The following KIAA1549L variants were observed in gnomAD, a reference collection of about 807,000 sequenced individuals.
KIAA1549L encodes UPF0606 protein KIAA1549L.
KIAA1549L carries 88 observed loss-of-function variants against 160.7 expected under a neutral mutation model. That is an observed-to-expected ratio of 0.55 (90% CI 0.46 to 0.65). The LOEUF is 0.65. Among genes scored for constraint, KIAA1549L ranks in the 30% least tolerant of loss-of-function variants. The pLI, the probability that KIAA1549L is intolerant of heterozygous loss-of-function variation, is 0.00. For synonymous variants in KIAA1549L, 950 were observed against 976.7 expected (o/e 0.97, Z 0.51); for missense variants, 2,258 against 2,437.5 (o/e 0.93, Z 1.55).
chr11:33,618,470 C>G, intron 15 of KIAA1549L, 63 bp from the exon 16 acceptor site: 6 of 1,482,506 alleles, frequency 4.0e-6, no homozygotes. Context: ...TACTTTGGAT[C>G]AGTGGAGAAT....
intron 16 of KIAA1549L, among the ~76,000 whole-genome samples, chr11:33,621,935 A>G (rs527325788): frequency 9.2e-5 from 14 of 152,366 alleles, no homozygotes; most frequent in African/African-American, 3.1e-4. Flanking sequence ...TATAACTTTG[A>G]AAATGAATGA....
chr11:33,525,468 G>A (rs1378700198), intron 1 of KIAA1549L, among the ~76,000 whole-genome samples: 1 of 152,134 alleles, frequency 6.6e-6, no homozygotes, highest in Non-Finnish European at 1.5e-5. Context: ...TTATCTCACA[G>A]GAGTCCTTGG....
chr11:33,635,794 CAGTGAGTATTTATTA>C (rs1172710665), intron 16 of KIAA1549L, among the ~76,000 whole-genome samples: 1 of 152,156 alleles, frequency 6.6e-6, no homozygotes, highest in Admixed American at 6.5e-5. Context: ...CTCATTTATT[CAGTGAGTATTTATTA>C]ATGTTCTACC....
At chr11:33,402,391 G>C (rs746981424) in intron 1 of KIAA1549L, among the ~76,000 whole-genome samples, 3 of 152,056 alleles carry the variant, frequency 2.0e-5, no homozygotes, top group Non-Finnish European at 4.4e-5. Context: ...CTCTACTCAG[G>C]CCCCTGTGGT....
At chr11:33,472,722 G>C (rs1320576400) in intron 1 of KIAA1549L, among the ~76,000 whole-genome samples, 1 of 152,086 alleles carries the variant, frequency 6.6e-6, no homozygotes, top group Non-Finnish European at 1.5e-5. Context: ...TTTCTTTCAG[G>C]TCTCATTTTT....
intron 1 of KIAA1549L, among the ~76,000 whole-genome samples, chr11:33,425,835 G>A (rs1851105197): frequency 6.6e-6 from 1 of 152,192 alleles, no homozygotes; most frequent in East Asian, 1.9e-4. Context: ...GATGCACAGA[G>A]CAAAAGGCAA....
At chr11:33,595,386 C>T (rs560232861) in intron 12 of KIAA1549L, among the ~76,000 whole-genome samples, 1 of 152,246 alleles carries the variant, frequency 6.6e-6, no homozygotes, top group East Asian at 1.9e-4. Flanking sequence ...GCCACCATGC[C>T]TGGCTAATTT....
chr11:33,456,247 T>A (rs1360754635), intron 1 of KIAA1549L, among the ~76,000 whole-genome samples: 1 of 152,158 alleles, frequency 6.6e-6, no homozygotes, highest in Non-Finnish European at 1.5e-5. Context: ...TTTTTCCCCC[T>A]AGGGCAGCTG....
intron 15 of KIAA1549L, among the ~76,000 whole-genome samples, chr11:33,616,360 T>C (rs889703117): frequency 1.3e-5 from 2 of 152,150 alleles, no homozygotes; most frequent in African/African-American, 4.8e-5. Context: ...GCAAAAGCCC[T>C]GAGACTCAGT....
At chr11:33,396,139 T>C (rs1378051452) in intron 1 of KIAA1549L, among the ~76,000 whole-genome samples, 1 of 152,160 alleles carries the variant, frequency 6.6e-6, no homozygotes, top group African/African-American at 2.4e-5. Context: ...CTAGAGCAAC[T>C]TAAGGTGATA....
Position 33,668,153 on chromosome 11 carries a change from A to C in KIAA1549L, c.6440A>C (p.Ter2147SerextTer13), listed in dbSNP as rs1459931892. 1 of 1,612,450 alleles carries C rather than the reference A, an allele frequency of 6.2e-7. No homozygotes were observed. The highest frequency in any genetic ancestry group is 8.5e-7 in the Non-Finnish European group (1 of 1,179,312). ...ACAGACATGTTTGAGTTCCAGGTCT[A>C]ACGCCTTAGCCCCGTGGGACTCTGG... ...KQTDMFEFQV[*>S] Residue 2147 changes from the stop codon to serine (S), a stop_lost, in exon 21 of 21, where the codon TAA (stop) becomes TCA (serine). Transcript: ENST00000658780.
chr11:33,391,298 A>T (rs11032253), intron 1 of KIAA1549L, among the ~76,000 whole-genome samples: 31,612 of 152,088 alleles, frequency 0.21, 4,831 homozygotes, highest in African/African-American at 0.42. Flanking sequence ...CGGAAAGGTG[A>T]AATTTTTCTT....
intron 1 of KIAA1549L, among the ~76,000 whole-genome samples, chr11:33,500,820 G>A: frequency 6.6e-6 from 1 of 151,966 alleles, no homozygotes; most frequent in Non-Finnish European, 1.5e-5. Flanking sequence ...AGAAATGTAG[G>A]CAACACCTTT....
chr11:33,569,485 C>T (rs759694118), intron 9 of KIAA1549L, among the ~76,000 whole-genome samples: 1 of 152,226 alleles, frequency 6.6e-6, no homozygotes, highest in South Asian at 2.1e-4. Flanking sequence ...AGCACACATG[C>T]ATAGTATCAC....
chr11:33,403,294 C>CACATGCAGACACACACAG (rs1850552789), intron 1 of KIAA1549L: 19 of 38,592 alleles, frequency 4.9e-4, no homozygotes, highest in South Asian at 1.2e-3. Flanking sequence ...CACACACACA[C>CACATGCAGACACACACAG]ACACACGCAT....
At chr11:33,388,878 G>A (rs1850222622) in intron 1 of KIAA1549L, among the ~76,000 whole-genome samples, 1 of 151,980 alleles carries the variant, frequency 6.6e-6, no homozygotes, top group African/African-American at 2.4e-5. Flanking sequence ...ACATAGAATG[G>A]GGATAAATTC....
intron 6 of KIAA1549L, among the ~76,000 whole-genome samples, chr11:33,559,093 C>T (rs1854750858): frequency 6.6e-6 from 1 of 152,108 alleles, no homozygotes; most frequent in Non-Finnish European, 1.5e-5. Flanking sequence ...CTACGTTGGC[C>T]TCCCAAAGTG....
intron 1 of KIAA1549L, among the ~76,000 whole-genome samples, chr11:33,483,865 A>T (rs1004686732): frequency 6.6e-5 from 10 of 152,290 alleles, no homozygotes; most frequent in Non-Finnish European, 1.3e-4. Context: ...CTTTTTCTTT[A>T]TAAATTACCC....
At chr11:33,483,027 T>C (rs1852444807) in intron 1 of KIAA1549L, among the ~76,000 whole-genome samples, 1 of 152,154 alleles carries the variant, frequency 6.6e-6, no homozygotes, top group Non-Finnish European at 1.5e-5. Context: ...CTCCCATTGT[T>C]CCTTTCTCCC....
Sources: allele counts gnomAD v4.1 joint callset (sites outside exome capture counted in the v4.1 genomes callset), GRCh38; gene constraint gnomAD v4.1.1; transcripts MANE v1.5; gene names NCBI Gene and HGNC (gene_info 2026-07-23, HGNC 2026-07-21).